Variants in STAG2 observed in about 807,000 individuals in gnomAD.
STAG2 encodes cohesin subunit SA-2.
In STAG2, 14 loss-of-function variants were observed where a neutral mutation model predicts 108.1. The observed-to-expected ratio is 0.13, with a 90% CI of 0.09 to 0.20. The LOEUF is 0.20. Ranked by LOEUF, STAG2 falls within the 10% of genes least tolerant of loss-of-function variation. STAG2 has a pLI of 1.00. For synonymous variants in STAG2, 307 were observed against 302.7 expected (o/e 1.01, Z -0.15); for missense variants, 440 against 940.9 (o/e 0.47, Z 6.96).
At chrX:124,041,069 T>G (rs1051948887) in intron 6 of STAG2, among the ~76,000 whole-genome samples, 2 of 108,586 alleles carry the variant, frequency 1.8e-5, no homozygotes, top group Non-Finnish European at 3.8e-5. Flanking sequence ...CAGGCTGGTC[T>G]TGAACTCCAG....
At chrX:123,986,740 C>A (rs1489964108) in intron 1 of STAG2, among the ~76,000 whole-genome samples, 1 of 111,230 alleles carries the variant, frequency 9.0e-6, no homozygotes, top group Non-Finnish European at 1.9e-5. Flanking sequence ...TAGAAAGGGA[C>A]AACTAAGATG....
In STAG2 at chrX:124,022,651, A is replaced by C. The variant is rs1363572853; in HGVS notation, c.24A>C (p.Pro8=). MIAAPEI[P]TDFNLLQESE... ...AAATGATAGCAGCTCCAGAAATACC[A>C]ACTGATTTTAATCTACTACAGTAAG... Residue 8 remains proline (P), a synonymous_variant, in exon 3 of 35, where the codon CCA becomes CCC. Transcript: ENST00000371145. 8.6e-7 allele frequency: 1 copy of C among 1,163,639 alleles called. No individual in the cohort carries two copies. The highest frequency in any genetic ancestry group is 1.8e-5 in the African/African-American group (1 of 55,219).
chrX:124,051,099 CTTTTTTTTTT>C lies in STAG2; in HGVS notation c.1018-12_1018-3del. 2 of 525,590 alleles carry C rather than the reference CTTTTTTTTTT, an allele frequency of 3.8e-6. No homozygotes were observed. Among genetic ancestry groups the C allele is most frequent in the South Asian group, 8.7e-5 (2 of 22,936 alleles). The allele number at this position is 525,590 out of a possible 1,213,427, so 43.3% of individuals were successfully genotyped here. On this transcript the variant is annotated splice_polypyrimidine_tract_variant and intron_variant, in intron 11 of 34. Transcript: ENST00000371145. ...ATAGAGTTTTAATGCATTGTCTCAT[CTTTTTTTTTT>C]TTTTTTTTTAGCAAGGTGAAGTAAG... is the stretch of plus-strand genomic sequence containing the variant.
In STAG2 at chrX:123,964,719, T is replaced by G. The variant is rs200833944; in HGVS notation, c.-163+2863T>G. The stretch of plus-strand genomic sequence containing the variant: ...AGACTGGCAGAGAGGGTGGAGTGGG[T>G]TTTTTTTTTTTTAACTGATAAGAAA... On this transcript the variant is annotated intron_variant, in intron 1 of 34. Transcript: ENST00000371145. Among the ~76,000 whole-genome samples, 4 of 55,927 alleles carry G rather than the reference T, an allele frequency of 7.2e-5. No homozygotes were observed. The South Asian group carries it at 2.7e-3, about 38-fold the overall frequency. 48.6% of individuals were successfully genotyped at this position (55,927 alleles called of 115,157 possible).
At chrX:124,097,022 TAAAA>T (rs1290031295) in intron 34 of STAG2, among the ~76,000 whole-genome samples, 1 of 109,086 alleles carries the variant, frequency 9.2e-6, no homozygotes, top group Non-Finnish European at 1.9e-5. Context: ...TTACAAAAAC[TAAAA>T]AAATTAGCTG....
intron 1 of STAG2, among the ~76,000 whole-genome samples, chrX:124,006,936 CTT>C (rs2056321595): frequency 9.0e-6 from 1 of 111,375 alleles, no homozygotes; most frequent in Admixed American, 9.5e-5. Flanking sequence ...AAGAAAATAA[CTT>C]CAGAAAAACA....
chrX:124,060,425 T>C (rs1413176562), intron 15 of STAG2, among the ~76,000 whole-genome samples: 1 of 112,077 alleles, frequency 8.9e-6, no homozygotes, highest in Non-Finnish European at 1.9e-5. Context: ...CATGCCCAGC[T>C]AACAGTAGGG....
At chrX:124,071,364 A>G (rs1283749378) in intron 25 of STAG2, 41 bp downstream of exon 25, 14 of 1,052,879 alleles carry the variant, frequency 1.3e-5, no homozygotes, top group Non-Finnish European at 1.8e-5. Context: ...TGTGTCCACC[A>G]TAAAATCAAA....
In STAG2 at chrX:124,030,587, G is replaced by A. The variant is rs893138643; in HGVS notation, c.124-374G>A. ...CTAAGTACTTTGTGTTTTCATTATC[G>A]CAGCAACCCTATGGGGTAGGCACAG... On this transcript the variant is annotated intron_variant, in intron 4 of 34. Coordinates refer to ENST00000371145, the MANE Select transcript of STAG2 (RefSeq NM_001042750.2). 1.2e-4 allele frequency among the ~76,000 whole-genome samples: 13 copies of A among 111,278 alleles called. No homozygotes were observed. The East Asian group carries it at 2.0e-3, about 17-fold the overall frequency.
At chrX:124,004,977 CGA>C (rs2056217706) in intron 1 of STAG2, among the ~76,000 whole-genome samples, 1 of 110,911 alleles carries the variant, frequency 9.0e-6, no homozygotes, top group Non-Finnish European at 1.9e-5. Flanking sequence ...CCAGAACCCT[CGA>C]TGATACCAAA....
intron 1 of STAG2, among the ~76,000 whole-genome samples, chrX:123,993,378 AT>A (rs902390143): frequency 2.1e-4 from 23 of 111,493 alleles, no homozygotes; most frequent in African/African-American, 7.5e-4. Flanking sequence ...CTTCCTGGAG[AT>A]TTTCAATCTC....
rs750510518 is a variant in STAG2 at position 124,063,222 on chromosome X, TA to T, written c.1821+25del. ...TTAGAAAAGGTAAGATTATTTTGTG[TA>T]AAAAAAACCTTTAAGAAAAATTATT... On this transcript the variant is annotated intron_variant, in intron 19 of 34. Transcript: ENST00000371145. 3.6e-6 allele frequency: 4 copies of T among 1,107,032 alleles called. No individual in the cohort carries two copies. The highest frequency in any genetic ancestry group is 3.7e-5 in the African/African-American group (2 of 54,615). The allele number at this position is 1,107,032 out of a possible 1,213,427, so 91.2% of individuals were successfully genotyped here.
chrX:124,054,131 A>G (rs1431028051), intron 13 of STAG2, among the ~76,000 whole-genome samples: 2 of 112,410 alleles, frequency 1.8e-5, no homozygotes, highest in Non-Finnish European at 3.8e-5. Flanking sequence ...GAAAAACTTG[A>G]CAGTATCTGT....
intron 1 of STAG2, among the ~76,000 whole-genome samples, chrX:123,972,088 A>T (rs961581643): frequency 3.6e-5 from 4 of 111,573 alleles, no homozygotes; most frequent in Non-Finnish European, 7.5e-5. Flanking sequence ...ACAGTTGTGG[A>T]AACAACTATA....
At chrX:124,076,271 A>G in intron 25 of STAG2, 61 bp from the exon 26 acceptor site, 1 of 1,051,294 alleles carries the variant, frequency 9.5e-7, no homozygotes, top group East Asian at 3.2e-5. Context: ...AGTGAGAATT[A>G]AAAAAAATAC....
At chrX:123,969,341 T>G (rs1289688396) in intron 1 of STAG2, among the ~76,000 whole-genome samples, 1 of 111,755 alleles carries the variant, frequency 8.9e-6, no homozygotes, top group Non-Finnish European at 1.9e-5. Context: ...TACATGTGTC[T>G]GAGAATTGTT....
At chrX:123,964,747 G>A (rs1479037575) in intron 1 of STAG2, among the ~76,000 whole-genome samples, 1 of 106,479 alleles carries the variant, frequency 9.4e-6, no homozygotes, top group East Asian at 3.2e-4. Context: ...ATAAGAAAAT[G>A]AGTGTTTACA....
chrX:124,024,190 T>C (rs1425696163), intron 3 of STAG2, among the ~76,000 whole-genome samples: 1 of 110,971 alleles, frequency 9.0e-6, no homozygotes, highest in Non-Finnish European at 1.9e-5. Flanking sequence ...TTGGGATAGC[T>C]TGGAGATGAG....
At chrX:124,033,823 T>A (rs1341747281) in intron 5 of STAG2, among the ~76,000 whole-genome samples, 10 of 112,060 alleles carry the variant, frequency 8.9e-5, no homozygotes, top group Non-Finnish European at 1.3e-4. Flanking sequence ...AACAGAAATT[T>A]ATTTCTTACA....
Sources: gnomAD v4.1 joint callset for allele counts (sites outside exome capture counted in the v4.1 genomes callset) on GRCh38, gnomAD v4.1.1 for gene constraint, MANE v1.5 for transcripts, NCBI Gene and HGNC (gene_info 2026-07-23, HGNC 2026-07-21) for gene names.